The following YME1L1 variants were observed in gnomAD, a reference collection of about 807,000 sequenced individuals.
YME1L1 encodes YME1 like 1 ATPase, also known as ATP-dependent zinc metalloprotease YME1L1.
In YME1L1, 39 loss-of-function variants were observed where a neutral mutation model predicts 90.4. The ratio of observed to expected loss-of-function variants is 0.43; its 90% CI spans 0.33 to 0.56. The LOEUF (loss-of-function observed/expected upper bound fraction) is 0.56, where lower values mean the gene tolerates loss of function less well. YME1L1 is among the 20% of genes least tolerant of loss of function. YME1L1 has a pLI of 0.03. For synonymous variants in YME1L1, 284 were observed against 287.3 expected (o/e 0.99, Z 0.12); for missense variants, 617 against 868.4 (o/e 0.71, Z 3.64).
At chr10:27,114,480 T>C (rs2056791440) in intron 18 of YME1L1, 41 bp downstream of exon 18, 28 of 1,533,302 alleles carry the variant, frequency 1.8e-5, no homozygotes, top group Non-Finnish European at 2.5e-5. Context: ...TTTAAGCACA[T>C]TGTTCCTAAG....
intron 3 of YME1L1, 79 bp from the exon 4 acceptor site, chr10:27,142,564 A>G (rs541909148): frequency 1.0e-5 from 6 of 598,462 alleles, no homozygotes; most frequent in Non-Finnish European, 1.6e-5. Context: ...AAATAATTCT[A>G]TCAAATATTA....
intron 9 of YME1L1, 85 bp downstream of exon 9, chr10:27,126,605 GTTAAAA>G (rs2056921984): frequency 1.5e-6 from 1 of 655,494 alleles, no homozygotes; most frequent in African/African-American, 1.9e-5. Context: ...ACTTTAATCA[GTTAAAA>G]TTAAATAAGT....
intron 9 of YME1L1, among the ~76,000 whole-genome samples, chr10:27,124,577 T>C (rs913746508): frequency 6.6e-6 from 1 of 152,220 alleles, no homozygotes; most frequent in Admixed American, 6.5e-5. Context: ...AAGACTATCC[T>C]AGTATTGTCA....
Position 27,117,696 on chromosome 10 carries a change from G to A in YME1L1, c.1599C>T (p.Asn533=), listed in dbSNP as rs139138483. 32 of 1,614,008 alleles carry A rather than the reference G, an allele frequency of 2.0e-5. No homozygotes were observed. The African/African-American group carries it at 3.9e-4, about 19-fold the overall frequency. Residue 533 remains asparagine, a synonymous_variant, in exon 15 of 19, where the codon AAC becomes AAT. Transcript: ENST00000376016. ...GATATGCTGTGATGGTTTTGTTTTTGTTATCAATTTCCACACTTCTTCTTT... is the reference window on the plus strand; with the variant it reads ...GATATGCTGTGATGGTTTTGTTTTTATTATCAATTTCCACACTTCTTCTTT... The part of the protein sequence containing the change: ...GPERRSVEID[N]KNKTITAYHE...
chr10:27,149,132 G>C (rs2057179606), intron 1 of YME1L1, 92 bp from the exon 2 acceptor site: 1 of 1,175,708 alleles, frequency 8.5e-7, no homozygotes, highest in Non-Finnish European at 1.2e-6. Context: ...AAGAGTTAAA[G>C]GTACATTATA....
intron 18 of YME1L1, among the ~76,000 whole-genome samples, chr10:27,114,070 T>C (rs998453552): frequency 3.9e-5 from 6 of 152,086 alleles, no homozygotes; most frequent in Non-Finnish European, 8.8e-5. Flanking sequence ...TTTATATACA[T>C]ATAAAATTTT....
Position 27,134,065 on chromosome 10 carries a change from C to T in YME1L1, c.749G>A (p.Gly250Glu), listed in dbSNP as rs2057002176. The change falls in exon 7 of 19, where the codon GGA (glycine) becomes GAA (glutamate). Residue 250 changes from glycine (G) to glutamate (E), a missense_variant. Physicochemically the swap from Gly to Glu is moderately conservative, Grantham distance 98 (BLOSUM62 -2). Transcript: ENST00000376016. ...LFVLLLFGIYGLLKNPFLSVR... is the reference protein window; with the variant it reads ...LFVLLLFGIYELLKNPFLSVR... Reference sequence around the variant, plus strand: ...AGATAAAAATGGGTTTTTTAGAAGTCCATAAATGCCGAATAGCAGCAGAAC... The same window carrying T: ...AGATAAAAATGGGTTTTTTAGAAGTTCATAAATGCCGAATAGCAGCAGAAC... The T allele has an allele frequency of 6.2e-7, 1 of 1,613,368 alleles. No homozygotes were observed. The highest frequency in any genetic ancestry group is 1.7e-5 in the Admixed American group (1 of 59,882).
intron 2 of YME1L1, among the ~76,000 whole-genome samples, chr10:27,147,891 C>T (rs574695142): frequency 8.5e-5 from 13 of 152,262 alleles, no homozygotes; most frequent in Admixed American, 8.5e-4. Flanking sequence ...AACAGCTTTT[C>T]CCAGTATCCT....
rs535386733 is a variant in YME1L1, at chr10:27,124,421, G to A, written c.950-722C>T. 5.3e-5 allele frequency among the ~76,000 whole-genome samples: 8 copies of A among 152,070 alleles called. No individual in the cohort carries two copies. The South Asian group carries it at 8.3e-4, about 16-fold the overall frequency. ...TTTTCATAACACCAAAGATTTTCAC[G>A]TTAGAAAAACAGAATTACCTGATTT... is the stretch of plus-strand genomic sequence containing the variant. On this transcript the variant is annotated intron_variant, in intron 9 of 18. Transcript: ENST00000376016.
At chr10:27,130,804 G>T (rs1437174740) in intron 8 of YME1L1, among the ~76,000 whole-genome samples, 1 of 152,218 alleles carries the variant, frequency 6.6e-6, no homozygotes, top group Non-Finnish European at 1.5e-5. Context: ...ACTGAGCCGA[G>T]ATCACGCCAT....
intron 1 of YME1L1, among the ~76,000 whole-genome samples, chr10:27,151,897 T>A (rs1047760210): frequency 6.8e-6 from 1 of 146,464 alleles, no homozygotes; most frequent in African/African-American, 2.5e-5. Context: ...AAAAAAAAAT[T>A]AAAATAAAAA....
At chr10:27,120,602 C>A in intron 12 of YME1L1, 55 bp from the exon 13 acceptor site, 1 of 1,423,262 alleles carries the variant, frequency 7.0e-7, no homozygotes. Context: ...AGCTCAAATT[C>A]AACAGGACTG....
Position 27,154,258 on chromosome 10 carries a change from C to A in YME1L1, c.-48G>T. The A allele has an allele frequency of 6.4e-7, 1 of 1,573,716 alleles. No individual in the cohort carries two copies. The highest frequency in any genetic ancestry group is 8.6e-7 in the Non-Finnish European group (1 of 1,158,672). ...TCACCCGCCTGCCGAAACTGTGCCC[C>A]TCTGTCCACGGCCCGGCGGGGAGGC... is the stretch of plus-strand genomic sequence containing the variant. On this transcript the variant is annotated 5_prime_UTR_variant, in exon 1 of 19. In the 5' UTR this introduces an upstream ATG that the reference lacks. Coordinates refer to ENST00000376016, the MANE Select transcript of YME1L1 (RefSeq NM_014263.4).
chr10:27,147,438 T>G, intron 2 of YME1L1: 1 of 1,614,120 alleles, frequency 6.2e-7, no homozygotes, highest in Non-Finnish European at 8.5e-7. Context: ...AAGCCGTGAC[T>G]AAGAACGATG....
At chr10:27,140,124 C>T (rs1030028540) in intron 4 of YME1L1, among the ~76,000 whole-genome samples, 2 of 152,028 alleles carry the variant, frequency 1.3e-5, no homozygotes, top group Non-Finnish European at 2.9e-5. Flanking sequence ...CTCAGCCTCC[C>T]GAGTAGCTGA....
intron 13 of YME1L1, 92 bp from the exon 14 acceptor site, chr10:27,119,541 G>C: frequency 1.4e-6 from 2 of 1,380,148 alleles, no homozygotes; most frequent in South Asian, 1.5e-5. Flanking sequence ...GGGTGCGTTG[G>C]CTCATGCCTG....
chr10:27,141,520 C>A (rs559496858), intron 4 of YME1L1, among the ~76,000 whole-genome samples: 2 of 151,822 alleles, frequency 1.3e-5, no homozygotes, highest in South Asian at 4.2e-4. Context: ...AATTCAAAAC[C>A]AAAGTAATCT....
chr10:27,117,559 C>A lies in YME1L1; in HGVS notation c.1719+17G>T. ...CTCCAGCCTGGGTGACAGGGCGAGA[C>A]ACTACAAAAAACTTACATGTCCAAG... On this transcript the variant is annotated intron_variant, in intron 15 of 18. Transcript: ENST00000376016. The A allele has an allele frequency of 1.9e-6, 3 of 1,611,332 alleles. No homozygotes were observed. The highest frequency in any genetic ancestry group is 2.5e-6 in the Non-Finnish European group (3 of 1,178,732).
chr10:27,117,518 A>G (rs1473155766), intron 15 of YME1L1, 58 bp downstream of exon 15: 1 of 1,561,572 alleles, frequency 6.4e-7, no homozygotes, highest in African/African-American at 1.4e-5. Flanking sequence ...CAGTGAGCTG[A>G]GATCGCGCCA....
Sources: gnomAD v4.1 joint callset for allele counts (sites outside exome capture counted in the v4.1 genomes callset) on GRCh38, gnomAD v4.1.1 for gene constraint, MANE v1.5 for transcripts, NCBI Gene and HGNC (gene_info 2026-07-23, HGNC 2026-07-21) for gene names.